Variants in TENT4A observed in about 807,000 individuals in gnomAD.
TENT4A encodes terminal nucleotidyltransferase 4A, also known as DNA polymerase kappa.
TENT4A carries 7 observed loss-of-function variants against 72.8 expected under a neutral mutation model. That is an observed-to-expected ratio of 0.10 (90% confidence interval 0.05 to 0.18). The LOEUF is 0.18. Among genes scored for constraint, TENT4A ranks in the 10% least tolerant of loss-of-function variants. The probability of loss-of-function intolerance (pLI) is 1.00; values close to 1 mark genes in which losing one functional copy is unlikely to be tolerated. For synonymous variants in TENT4A, 456 were observed against 434.3 expected (o/e 1.05, Z -0.62); for missense variants, 831 against 1,017.7 (o/e 0.82, Z 2.50).
Position 6,737,544 on chromosome 5 carries a change from A to G in TENT4A, c.751A>G (p.Met251Val). ...GGAAATAATTGACTTTTATAACTTC[A>G]TGTCCCCTTGTCCTGAAGAAGCAGC... ...HEEIIDFYNF[M>V]SPCPEEAAMR... The change falls in exon 2 of 13, where the codon ATG (methionine) becomes GTG (valine). Residue 251 changes from methionine (M) to valine (V), a missense_variant. Met to Val is a conservative substitution (Grantham distance 21). Around this residue, in one of 3 missense-constraint regions of TENT4A, gnomAD observed 197 missense variants for 399.6 expected, o/e 0.49. Transcript: ENST00000230859. 6.2e-7 allele frequency: 1 copy of G among 1,613,412 alleles called. No homozygotes were observed. The highest frequency in any genetic ancestry group is 8.5e-7 in the Non-Finnish European group (1 of 1,179,636).
chr5:6,748,633 G>C lies in TENT4A; in HGVS notation c.1586+43G>C, dbSNP rs752813252. ...TGCGTCTGGGCTCAGCGTGCCTGTGGGATGGTACTTATCCCTTTCCTGTGT... is the reference window on the plus strand; with the variant it reads ...TGCGTCTGGGCTCAGCGTGCCTGTGCGATGGTACTTATCCCTTTCCTGTGT... On this transcript the variant is annotated intron_variant, in intron 8 of 12. Transcript: ENST00000230859. 50 of 1,587,858 alleles carry C rather than the reference G, an allele frequency of 3.1e-5. No homozygotes were observed. The East Asian group carries it at 3.6e-4, about 11-fold the overall frequency.
chr5:6,741,494 G>A (rs1741804289), intron 4 of TENT4A, among the ~76,000 whole-genome samples: 1 of 152,180 alleles, frequency 6.6e-6, no homozygotes, highest in African/African-American at 2.4e-5. Flanking sequence ...CTAAACTGTG[G>A]GTGTCAGGGA....
chr5:6,714,741 T>TGGTACTGGCCGGCGCCCGC, intron 1 of TENT4A, 42 bp downstream of exon 1: 1 of 1,002,922 alleles, frequency 1.0e-6, no homozygotes, highest in Non-Finnish European at 1.3e-6. Flanking sequence ...GCGGGGCCCA[T>TGGTACTGGCCGGCGCCCGC]GGTCCTGGCC....
chr5:6,737,151 CT>C (rs1244055836), intron 1 of TENT4A, among the ~76,000 whole-genome samples: 1 of 152,272 alleles, frequency 6.6e-6, no homozygotes, highest in Non-Finnish European at 1.5e-5. Flanking sequence ...GGTTCCCAGC[CT>C]CAGAAGTGTG....
chr5:6,726,184 A>T (rs1740910214), intron 1 of TENT4A, among the ~76,000 whole-genome samples: 1 of 152,072 alleles, frequency 6.6e-6, no homozygotes, highest in African/African-American at 2.4e-5. Context: ...GCCAGTGTGG[A>T]TTTATTAAGT....
chr5:6,753,616 A>G (rs1742533026), intron 12 of TENT4A, among the ~76,000 whole-genome samples: 2 of 152,352 alleles, frequency 1.3e-5, no homozygotes, highest in South Asian at 4.1e-4. Flanking sequence ...AATGATTGGG[A>G]GAGCCATGGC....
intron 1 of TENT4A, among the ~76,000 whole-genome samples, chr5:6,716,638 C>A (rs1740403166): frequency 6.6e-6 from 1 of 152,122 alleles, no homozygotes; most frequent in Admixed American, 6.5e-5. Context: ...ATCTCCAATC[C>A]CCCACATTAA....
chr5:6,733,815 G>A (rs1193869421), intron 1 of TENT4A, among the ~76,000 whole-genome samples: 1 of 152,212 alleles, frequency 6.6e-6, no homozygotes, highest in Admixed American at 6.5e-5. Flanking sequence ...GTGGTCGGCA[G>A]GGCTTATCTG....
Position 6,748,552 on chromosome 5 carries a change from A to G in TENT4A, c.1548A>G (p.Ser516=), listed in dbSNP as rs2126652272. The change falls in exon 8 of 13, where the codon TCA becomes TCG. Residue 516 remains serine, a synonymous_variant. Transcript: ENST00000230859. ...YAYIVLSHAV[S]PLARSYPNRD... ...ACATAGTGCTCAGCCATGCTGTGTC[A>G]CCGCTGGCCAGGTCCTATCCAAACA... The G allele has an allele frequency of 1.2e-6, 2 of 1,613,972 alleles. No individual in the cohort carries two copies. Among genetic ancestry groups the G allele is most frequent in the Admixed American group, 1.7e-5 (1 of 60,008 alleles).
chr5:6,745,875 C>A (rs1313186317), intron 6 of TENT4A: 1 of 405,956 alleles, frequency 2.5e-6, no homozygotes, highest in Non-Finnish European at 4.1e-6. Context: ...TCTGAAATTA[C>A]ATCTACCATC....
intron 2 of TENT4A, 122 bp downstream of exon 2, chr5:6,737,755 T>G: frequency 9.0e-7 from 1 of 1,113,316 alleles, no homozygotes; most frequent in African/African-American, 1.6e-5. Context: ...AGGCAGCAGT[T>G]CTCCAAGTGT....
At chr5:6,715,932 C>T (rs1579443515) in intron 1 of TENT4A, among the ~76,000 whole-genome samples, 1 of 152,166 alleles carries the variant, frequency 6.6e-6, no homozygotes, top group Non-Finnish European at 1.5e-5. Flanking sequence ...TTTCTGAGAG[C>T]AGGTGGTTGG....
intron 1 of TENT4A, among the ~76,000 whole-genome samples, chr5:6,717,915 C>T (rs1259421781): frequency 1.3e-5 from 2 of 152,182 alleles, no homozygotes; most frequent in African/African-American, 2.4e-5. Context: ...GAGCATGGCC[C>T]TCAGATATTT....
chr5:6,741,329 A>G (rs1474754019), intron 4 of TENT4A, among the ~76,000 whole-genome samples: 2 of 152,172 alleles, frequency 1.3e-5, no homozygotes, highest in African/African-American at 4.8e-5. Context: ...AATCTTGTCT[A>G]TTTGGAACAA....
At position 6,746,227 on chromosome 5, in the gene TENT4A, T is replaced by C. The variant is rs1742090083; in HGVS notation, c.1259T>C (p.Ile420Thr). 1.2e-6 allele frequency: 2 copies of C among 1,614,104 alleles called. No individual in the cohort carries two copies. The highest frequency in any genetic ancestry group is 1.7e-6 in the Non-Finnish European group (2 of 1,180,044). Residue 420 changes from isoleucine to threonine, a missense_variant, in exon 7 of 13, where the codon ATT becomes ACT. Coordinates refer to ENST00000230859, the MANE Select transcript of TENT4A (RefSeq NM_006999.6). ...TTGCTTTTACAGTTGCATCCAAGAA[T>C]TGATGCCCGGAGAGCTGATGAAAAC... The part of the protein sequence containing the change: ...AISFLQLHPR[I>T]DARRADENLG...
At chr5:6,750,309 C>A in intron 9 of TENT4A, 22 bp from the exon 10 acceptor site, 1 of 1,593,480 alleles carries the variant, frequency 6.3e-7, no homozygotes, top group Admixed American at 1.7e-5. Flanking sequence ...GAGTTATTAA[C>A]CAAGGCTTTT....
chr5:6,743,899 A>G, intron 6 of TENT4A, 59 bp downstream of exon 6: 1 of 1,536,144 alleles, frequency 6.5e-7, no homozygotes, highest in Non-Finnish European at 8.9e-7. Context: ...AGACTCTTCC[A>G]ACCAGTTGCC....
At chr5:6,722,699 G>T (rs1345298579) in intron 1 of TENT4A, among the ~76,000 whole-genome samples, 2 of 133,988 alleles carry the variant, frequency 1.5e-5, no homozygotes, top group Non-Finnish European at 3.3e-5. Context: ...ATTTAAAGTT[G>T]GTTAAGGTTT....
Position 6,755,009 on chromosome 5 carries a change from G to A in TENT4A, c.*64G>A. ...GACTGCCCCGCGGCCTCGGCCACCG[G>A]CAGGGGAACCGAGACCAGCACCCCG... On this transcript the variant is annotated 3_prime_UTR_variant, in exon 13 of 13. Transcript: ENST00000230859. 1 of 1,415,088 alleles carries A rather than the reference G, an allele frequency of 7.1e-7. No homozygotes were observed. Among genetic ancestry groups the A allele is most frequent in the Non-Finnish European group, 9.4e-7 (1 of 1,063,770 alleles). The allele number at this position is 1,415,088 out of a possible 1,614,324, so 87.7% of individuals were successfully genotyped here.
Sources: gnomAD v4.1 joint callset for allele counts (sites outside exome capture counted in the v4.1 genomes callset) on GRCh38, gnomAD v4.1.1 for gene constraint, gnomAD v4.1.1 regional missense constraint, MANE v1.5 for transcripts, NCBI Gene and HGNC (gene_info 2026-07-23, HGNC 2026-07-21) for gene names.